The following PRKN variants were observed in gnomAD, a reference collection of about 807,000 sequenced individuals.
PRKN encodes parkin RBR E3 ubiquitin protein ligase.
PRKN carries 56 observed loss-of-function variants against 59.5 expected under a neutral mutation model. The ratio of observed to expected loss-of-function variants is 0.94; its 90% CI spans 0.76 to 1.18. The LOEUF (loss-of-function observed/expected upper bound fraction) is 1.18, where lower values mean the gene tolerates loss of function less well. PRKN is among the 50% of genes most tolerant of loss of function. PRKN has a pLI of 0.00. For synonymous variants in PRKN, 250 were observed against 222.1 expected (o/e 1.13, Z -1.12); for missense variants, 657 against 596.4 (o/e 1.10, Z -1.06).
intron 1 of PRKN, among the ~76,000 whole-genome samples, chr6:162,573,407 T>C (rs1433961755): frequency 1.3e-5 from 2 of 152,174 alleles, no homozygotes; most frequent in Admixed American, 1.3e-4. Context: ...CATGCATAGA[T>C]ATTGGTCCCC....
intron 5 of PRKN, among the ~76,000 whole-genome samples, chr6:162,021,496 A>T (rs1783198818): frequency 6.9e-6 from 1 of 145,020 alleles, no homozygotes; most frequent in Non-Finnish European, 1.5e-5. Flanking sequence ...TCTTTTTTAA[A>T]ATAATCTTTT....
intron 5 of PRKN, among the ~76,000 whole-genome samples, chr6:162,024,338 T>C (rs1476932665): frequency 2.6e-5 from 4 of 151,392 alleles, no homozygotes; most frequent in East Asian, 2.0e-4. Flanking sequence ...CTGGGGGTAA[T>C]TGCATGTGCC....
In PRKN at chr6:161,658,053, C is replaced by T. The variant is rs117641423; in HGVS notation, c.872-88637G>A. Among the ~76,000 whole-genome samples, 531 of 109,438 alleles carry T rather than the reference C, an allele frequency of 4.9e-3. 14 individuals carry two copies. In the East Asian group the frequency reaches 0.087, roughly 18 times the overall value. The allele number at this position is 109,438 out of a possible 152,430, so 71.8% of individuals were successfully genotyped here. ...AAAAAAAGAAAAGAAAAGAAAAAAA[C>T]GGTGTGCCAGTTGAAACTACTCACA... On this transcript the variant is annotated intron_variant, in intron 7 of 11. Coordinates refer to ENST00000366898, the MANE Select transcript of PRKN (RefSeq NM_004562.3).
chr6:161,519,367 A>T (rs1480655862), intron 9 of PRKN, among the ~76,000 whole-genome samples: 1 of 152,198 alleles, frequency 6.6e-6, no homozygotes, highest in Non-Finnish European at 1.5e-5. Flanking sequence ...ATTAAAATGC[A>T]GACGCCAATT....
At chr6:162,548,761 C>A (rs1779219300) in intron 1 of PRKN, among the ~76,000 whole-genome samples, 1 of 152,110 alleles carries the variant, frequency 6.6e-6, no homozygotes, top group Non-Finnish European at 1.5e-5. Flanking sequence ...CACAAAATTT[C>A]AAAAAGACCA....
Position 161,349,953 on chromosome 6 carries a change from C to T in PRKN, c.*146G>A. 4.4e-6 allele frequency: 3 copies of T among 680,736 alleles called. No homozygotes were observed. The highest frequency in any genetic ancestry group is 5.4e-6 in the Non-Finnish European group (2 of 371,004). 42.2% of individuals were successfully genotyped at this position (680,736 alleles called of 1,614,324 possible). A position where few individuals can be genotyped will look rare whatever the true frequency, so the allele number is the denominator to read the frequency against. ...TCCAGGAGTTTCTTCTGCAATTTGGCTGTAGTTGGACTTTGAAAAAAACTT... is the reference window on the plus strand; with the variant it reads ...TCCAGGAGTTTCTTCTGCAATTTGGTTGTAGTTGGACTTTGAAAAAAACTT... On this transcript the variant is annotated 3_prime_UTR_variant, in exon 12 of 12. Transcript: ENST00000366898. The surrounding 1 kb of genome is among the most constrained non-coding windows in gnomAD (Gnocchi z 5.5).
At chr6:161,605,304 T>C (rs1404392994) in intron 7 of PRKN, among the ~76,000 whole-genome samples, 1 of 152,206 alleles carries the variant, frequency 6.6e-6, no homozygotes, top group Non-Finnish European at 1.5e-5. Context: ...TGTACCCGTA[T>C]GTGTATATGT....
chr6:162,235,438 C>A (rs1778611706), intron 3 of PRKN, among the ~76,000 whole-genome samples: 1 of 152,140 alleles, frequency 6.6e-6, no homozygotes, highest in Non-Finnish European at 1.5e-5. Context: ...ACGAACATTA[C>A]ATATAAAGAA....
At chr6:161,996,496 GTAATCTC>G (rs2128260782) in intron 5 of PRKN, among the ~76,000 whole-genome samples, 1 of 152,058 alleles carries the variant, frequency 6.6e-6, no homozygotes, top group Admixed American at 6.6e-5. Flanking sequence ...AAATAATACT[GTAATCTC>G]TAATGGTATT....
intron 1 of PRKN, among the ~76,000 whole-genome samples, chr6:162,518,233 G>A (rs936204449): frequency 1.3e-5 from 2 of 152,098 alleles, no homozygotes; most frequent in Non-Finnish European, 2.9e-5. Flanking sequence ...AAATTAAAAT[G>A]TAACATTAAT....
rs577179649 is a variant in PRKN at position 161,987,580 on chromosome 6, C to T, written c.619-14163G>A. 2.6e-5 allele frequency among the ~76,000 whole-genome samples: 4 copies of T among 152,272 alleles called. No individual in the cohort carries two copies. In the East Asian group the frequency reaches 5.8e-4, roughly 22 times the overall value. The stretch of plus-strand genomic sequence containing the variant: ...TAGAATACCTAATACAATGTAAATG[C>T]TGAGTATATAGTTGTTACACTGCAT... On this transcript the variant is annotated intron_variant, in intron 5 of 11. Coordinates refer to ENST00000366898, the MANE Select transcript of PRKN (RefSeq NM_004562.3).
In PRKN at chr6:161,488,405, T is replaced by TA. The variant is rs1777416057; in HGVS notation, c.1083+60448dup. Among the ~76,000 whole-genome samples, 1 of 152,182 alleles carries TA rather than the reference T, an allele frequency of 6.6e-6. No homozygotes were observed. The highest frequency in any genetic ancestry group is 2.1e-4 in the South Asian group (1 of 4,826). On this transcript the variant is annotated intron_variant, in intron 9 of 11. Transcript: ENST00000366898. This position sits in a 1 kb window ranked among gnomAD's most constrained non-coding sequence, Gnocchi z 4.5. ...GGAGTGGAGCTGCTTAAACTGTTAG[T>TA]ATAAATTATAATGGAATTTAAGTAA...
chr6:161,985,278 T>C (rs1228855067), intron 5 of PRKN, among the ~76,000 whole-genome samples: 1 of 152,224 alleles, frequency 6.6e-6, no homozygotes, highest in Non-Finnish European at 1.5e-5. Context: ...ATATGTCAGC[T>C]TCAAGAACAT....
chr6:162,724,910 T>C (rs1779069526), intron 1 of PRKN, among the ~76,000 whole-genome samples: 2 of 152,226 alleles, frequency 1.3e-5, no homozygotes, highest in Admixed American at 6.5e-5. Flanking sequence ...GGTTATAGGA[T>C]AAGCCTGTGC....
chr6:162,097,123 G>A (rs771422359), intron 4 of PRKN, among the ~76,000 whole-genome samples: 8 of 151,992 alleles, frequency 5.3e-5, no homozygotes, highest in South Asian at 2.1e-4. Flanking sequence ...TGATCTGCCC[G>A]CCTTGGCCTC....
At chr6:161,870,250 A>G (rs1400604398) in intron 6 of PRKN, among the ~76,000 whole-genome samples, 1 of 150,956 alleles carries the variant, frequency 6.6e-6, no homozygotes, top group East Asian at 1.9e-4. Flanking sequence ...AAAGTGGTAC[A>G]AAGAAAATGA....
chr6:161,450,714 A>G (rs928133689), intron 9 of PRKN, among the ~76,000 whole-genome samples: 5 of 151,724 alleles, frequency 3.3e-5, no homozygotes, highest in Non-Finnish European at 7.4e-5. Flanking sequence ...CCGCCACCAC[A>G]CCCAGCTAAT....
intron 5 of PRKN, among the ~76,000 whole-genome samples, chr6:161,986,896 A>G (rs1013310834): frequency 5.9e-5 from 9 of 152,190 alleles, no homozygotes; most frequent in Non-Finnish European, 1.3e-4. Context: ...ATGATAATAT[A>G]ACTGGTTTGT....
At chr6:161,935,554 CAAAAAAAAA>C (rs773798640) in intron 6 of PRKN, among the ~76,000 whole-genome samples, 1 of 82,644 alleles carries the variant, frequency 1.2e-5, no homozygotes, top group Non-Finnish European at 2.5e-5. Flanking sequence ...ACCTTGTTTC[CAAAAAAAAA>C]AAAAAAAAGA....
Sources: allele counts gnomAD v4.1 joint callset (sites outside exome capture counted in the v4.1 genomes callset), GRCh38; gene constraint gnomAD v4.1.1; non-coding constraint Gnocchi (gnomAD v3.1); transcripts MANE v1.5; gene names NCBI Gene and HGNC (gene_info 2026-07-23, HGNC 2026-07-21).